Variants in ARHGEF4 observed in about 807,000 individuals in gnomAD.
ARHGEF4 encodes APC-stimulated guanine nucleotide exchange factor 1.
A neutral mutation model predicts 162.0 loss-of-function variants in ARHGEF4; 119 were observed. That is an observed-to-expected ratio of 0.73 (90% CI 0.63 to 0.86). The LOEUF (loss-of-function observed/expected upper bound fraction) is 0.86, where lower values mean the gene tolerates loss of function less well. Among genes scored for constraint, ARHGEF4 ranks in the 40% least tolerant of loss-of-function variants. The pLI is 0.00. For missense variants in ARHGEF4, 2,488 were observed against 2,456.0 expected (o/e 1.01, Z -0.28); for synonymous variants, 1,014 against 979.9 (o/e 1.03, Z -0.65).
chr2:130,848,261 G>A (rs1397908412), intron 1 of ARHGEF4, among the ~76,000 whole-genome samples: 1 of 152,216 alleles, frequency 6.6e-6, no homozygotes, highest in Non-Finnish European at 1.5e-5. Context: ...CAGGGCCTCA[G>A]GCCAGGATCG....
intron 3 of ARHGEF4, among the ~76,000 whole-genome samples, chr2:130,932,407 C>G (rs1425183465): frequency 6.6e-6 from 1 of 152,178 alleles, no homozygotes; most frequent in Admixed American, 6.5e-5. Flanking sequence ...TGGAGTTTCA[C>G]CATGTTGGCC....
At position 131,028,076 on chromosome 2, in the gene ARHGEF4, A is replaced by C. The variant is rs556727675; in HGVS notation, c.4117A>C (p.Ile1373Leu). 3.1e-6 allele frequency: 5 copies of C among 1,613,760 alleles called. No homozygotes were observed. Among genetic ancestry groups the C allele is most frequent in the Non-Finnish European group, 4.2e-6 (5 of 1,179,992 alleles). Reference protein sequence around the residue: ...HPGGGGEQLAINELISDGSVV... With the variant: ...HPGGGGEQLALNELISDGSVV... ...TGGAGGGGGTGGGGAGCAGCTGGCT[A>C]TCAATGAGGTAGGGTCAGGGCTGCA... The change falls in exon 5 of 14, where the codon ATC becomes CTC. Residue 1373 changes from isoleucine (I) to leucine (L), a missense_variant. This residue lies in a region of ARHGEF4 where 1,642 missense variants were observed against 1,481.5 expected (regional missense o/e 1.11). Coordinates refer to ENST00000409359, the MANE Select transcript of ARHGEF4 (RefSeq NM_001367493.1).
chr2:130,983,749 A>AT (rs1308462275), intron 4 of ARHGEF4, among the ~76,000 whole-genome samples: 1 of 152,044 alleles, frequency 6.6e-6, no homozygotes, highest in Non-Finnish European at 1.5e-5. Context: ...TCCCGGGTTC[A>AT]TGCCATTCTC....
At chr2:130,978,591 C>T (rs1685908359) in intron 4 of ARHGEF4, among the ~76,000 whole-genome samples, 2 of 152,120 alleles carry the variant, frequency 1.3e-5, no homozygotes, top group African/African-American at 2.4e-5. Context: ...CAAAAGAAAA[C>T]ATGGTCTTTG....
chr2:130,970,764 T>G (rs1685310038), intron 4 of ARHGEF4, among the ~76,000 whole-genome samples: 1 of 152,196 alleles, frequency 6.6e-6, no homozygotes. Flanking sequence ...ATTGGATTGT[T>G]TGTTTTCTTA....
rs770439618 is a variant in ARHGEF4, at chr2:130,915,865, G to A, written c.1919G>A (p.Gly640Asp). ...ALIIVAVEQK[G>D]LQASRSNAGP... is the part of the protein sequence containing the mutation. The stretch of plus-strand genomic sequence containing the variant: ...ATCATTGTAGCTGTGGAGCAGAAAG[G>A]TCTTCAGGCCAGCAGGAGCAATGCG... Residue 640 changes from glycine (G) to aspartate (D), a missense_variant, in exon 2 of 14, where the codon GGT (glycine) becomes GAT (aspartate). Coordinates refer to ENST00000409359, the MANE Select transcript of ARHGEF4 (RefSeq NM_001367493.1). 2 of 1,547,028 alleles carry A rather than the reference G, an allele frequency of 1.3e-6. No homozygotes were observed. The highest frequency in any genetic ancestry group is 2.4e-5 in the South Asian group (2 of 83,284).
chr2:130,940,756 C>T (rs1334137339), intron 3 of ARHGEF4, among the ~76,000 whole-genome samples: 42 of 145,616 alleles, frequency 2.9e-4, no homozygotes, highest in Admixed American at 5.6e-4. Context: ...GGCATGAACC[C>T]GGGAGGCAGA....
In ARHGEF4 at chr2:130,954,123, G is replaced by A. The variant is rs188694150; in HGVS notation, c.3985+7488G>A. ...GCACATGTATGTTTATTGCAGCACT[G>A]TTCACAATAGCAAAGACTTGGAACC... On this transcript the variant is annotated intron_variant, in intron 4 of 13. Transcript: ENST00000409359. Among the ~76,000 whole-genome samples the A allele has an allele frequency of 9.9e-4, 151 of 152,244 alleles. No homozygotes were observed. In the Middle Eastern group the frequency reaches 0.014, roughly 14 times the overall value.
At chr2:131,016,774 T>A (rs1359773288) in intron 4 of ARHGEF4, among the ~76,000 whole-genome samples, 4 of 152,228 alleles carry the variant, frequency 2.6e-5, no homozygotes, top group Non-Finnish European at 4.4e-5. Context: ...CCAAGTTCCC[T>A]AAGTGCTGCT....
At chr2:131,043,645 G>A (rs897576319) in intron 11 of ARHGEF4, 62 bp downstream of exon 11, 1 of 1,607,660 alleles carries the variant, frequency 6.2e-7, no homozygotes. Context: ...GGAGCTGAGG[G>A]CTGGGAGCAG....
At chr2:130,874,148 C>G (rs1054864498) in intron 1 of ARHGEF4, among the ~76,000 whole-genome samples, 1 of 152,236 alleles carries the variant, frequency 6.6e-6, no homozygotes, top group Non-Finnish European at 1.5e-5. Flanking sequence ...TCACCCCACG[C>G]TGGGGGATCT....
intron 4 of ARHGEF4, among the ~76,000 whole-genome samples, chr2:130,986,548 G>A (rs1468704911): frequency 1.3e-5 from 2 of 152,188 alleles, no homozygotes; most frequent in South Asian, 2.1e-4. Context: ...CCCTGTGCTG[G>A]CCAGGTGGAA....
chr2:130,917,453 C>G lies in ARHGEF4; in HGVS notation c.3507C>G (p.Arg1169=), dbSNP rs1681571532. The G allele has an allele frequency of 1.0e-5, 16 of 1,550,422 alleles. 2 individuals carry two copies. The Admixed American group carries it at 3.1e-4, about 30-fold the overall frequency. The change falls in exon 2 of 14, where the codon CGC becomes CGG. Residue 1169 remains arginine, a synonymous_variant. Coordinates refer to ENST00000409359, the MANE Select transcript of ARHGEF4 (RefSeq NM_001367493.1). The part of the protein sequence containing the change: ...EESREGGQGP[R]GLGTVPWLRD... Reference sequence around the variant, plus strand: ...GCAGGGAAGGAGGCCAGGGTCCGCGCGGCTTGGGCACAGTGCCCTGGCTCA... The same window carrying G: ...GCAGGGAAGGAGGCCAGGGTCCGCGGGGCTTGGGCACAGTGCCCTGGCTCA...
At position 131,045,935 on chromosome 2, in the gene ARHGEF4, G is replaced by A. The variant is rs907562066; in HGVS notation, c.5480-103G>A. On this transcript the variant is annotated intron_variant, in intron 13 of 13. Coordinates refer to ENST00000409359, the MANE Select transcript of ARHGEF4 (RefSeq NM_001367493.1). The stretch of plus-strand genomic sequence containing the variant: ...TGTGGCAAAACTGCCTCCTACGGCG[G>A]CTCTGAAGCAGAGCCCTGGGACGGA... 4.0e-6 allele frequency: 6 copies of A among 1,505,036 alleles called. No individual in the cohort carries two copies. The Admixed American group carries it at 1.1e-4, about 27-fold the overall frequency. The allele number at this position is 1,505,036 out of a possible 1,614,324, so 93.2% of individuals were successfully genotyped here.
intron 4 of ARHGEF4, chr2:130,963,658 C>G (rs1684776891): frequency 1.4e-5 from 2 of 146,740 alleles, no homozygotes; most frequent in Admixed American, 6.7e-5. Context: ...GGCCTGCGTG[C>G]GCGCGTGCGT....
chr2:130,917,619 G>A (rs968304439), intron 2 of ARHGEF4, 121 bp downstream of exon 2: 9 of 1,303,420 alleles, frequency 6.9e-6, no homozygotes, highest in East Asian at 5.1e-5. Context: ...AATTGCCCCC[G>A]TTACACTCCC....
chr2:130,999,311 C>G (rs552193865), intron 4 of ARHGEF4, among the ~76,000 whole-genome samples: 4 of 152,050 alleles, frequency 2.6e-5, no homozygotes, highest in African/African-American at 9.6e-5. Context: ...CCCGCCACCA[C>G]GCCTGGCTAA....
chr2:130,902,061 C>A (rs1020051554), intron 1 of ARHGEF4, among the ~76,000 whole-genome samples: 3 of 152,194 alleles, frequency 2.0e-5, no homozygotes, highest in Non-Finnish European at 2.9e-5. Flanking sequence ...AGAGCAACAC[C>A]GGTGCTTCTT....
Position 130,946,533 on chromosome 2 carries a change from T to C in ARHGEF4, c.3883T>C (p.Ser1295Pro), listed in dbSNP as rs765215777. 1 of 1,613,504 alleles carries C rather than the reference T, an allele frequency of 6.2e-7. No homozygotes were observed. Residue 1295 changes from serine (S) to proline (P), a missense_variant, in exon 4 of 14, where the codon TCT becomes CCT. By Grantham distance (74) the Ser-to-Pro change is moderately conservative (BLOSUM62 -1). Around this residue, in one of 6 missense-constraint regions of ARHGEF4, gnomAD observed 1,642 missense variants for 1,481.5 expected, o/e 1.11. Coordinates refer to ENST00000409359, the MANE Select transcript of ARHGEF4 (RefSeq NM_001367493.1). The part of the protein sequence containing the change: ...VKCWRKTIIT[S>P]PESLNLPRRS... ...GTGCTGGAGAAAGACGATCATTACC[T>C]CTCCAGAGTCTTTGAATCTCCCTAG...
Sources: gnomAD v4.1 joint callset for allele counts (sites outside exome capture counted in the v4.1 genomes callset) on GRCh38, gnomAD v4.1.1 for gene constraint, gnomAD v4.1.1 regional missense constraint, MANE v1.5 for transcripts, NCBI Gene and HGNC (gene_info 2026-07-23, HGNC 2026-07-21) for gene names.